RALYL: variants seen among roughly 807,000 people sequenced by gnomAD.
The protein encoded by RALYL is RNA-binding Raly-like protein.
Under a neutral mutation model 35.1 loss-of-function variants are expected in RALYL, and 29 were observed. The observed-to-expected ratio is 0.83, with a 90% CI of 0.61 to 1.13. RALYL has a LOEUF of 1.13. Ranked by LOEUF, RALYL falls within the 50% of genes most tolerant of loss-of-function variation. RALYL has a pLI of 0.00. For missense variants in RALYL, 359 were observed against 360.4 expected, an observed-to-expected ratio of 1.00 and a Z score of 0.03; for synonymous variants, 120 against 127.6, an observed-to-expected ratio of 0.94 and a Z score of 0.40.
intron 1 of RALYL, among the ~76,000 whole-genome samples, chr8:84,370,515 C>G (rs1205577185): frequency 2.6e-5 from 4 of 151,756 alleles, no homozygotes; most frequent in Admixed American, 6.6e-5. Context: ...AATCATGAGT[C>G]TGTTAAACGG....
At chr8:84,213,968 CAG>C (rs1361228365) in intron 1 of RALYL, among the ~76,000 whole-genome samples, 2 of 152,086 alleles carry the variant, frequency 1.3e-5, no homozygotes, top group Admixed American at 6.6e-5. Flanking sequence ...AAAATGTGAA[CAG>C]AGTTTAAGGA....
At chr8:84,714,445 A>G (rs1311732133) in intron 2 of RALYL, among the ~76,000 whole-genome samples, 1 of 151,724 alleles carries the variant, frequency 6.6e-6, no homozygotes, top group Non-Finnish European at 1.5e-5. Flanking sequence ...TGTTTCATTC[A>G]TTAAGTTGAC....
intron 1 of RALYL, among the ~76,000 whole-genome samples, chr8:84,478,210 TTA>T (rs1442043494): frequency 3.3e-5 from 5 of 152,098 alleles, no homozygotes; most frequent in Non-Finnish European, 5.9e-5. Flanking sequence ...TTTGTAATGT[TTA>T]TGTCTTAATG....
intron 1 of RALYL, among the ~76,000 whole-genome samples, chr8:84,492,548 G>A (rs2055453940): frequency 6.6e-6 from 1 of 151,920 alleles, no homozygotes; most frequent in South Asian, 2.1e-4. Context: ...TTTTATATGT[G>A]TGTAGTGCAC....
intron 1 of RALYL, among the ~76,000 whole-genome samples, chr8:84,275,493 ATT>A (rs1835190277): frequency 2.0e-5 from 3 of 151,262 alleles, no homozygotes; most frequent in African/African-American, 7.3e-5. Flanking sequence ...ATATATATAT[ATT>A]ATGAAATGGC....
chr8:84,425,028 G>A (rs1784253151), intron 1 of RALYL, among the ~76,000 whole-genome samples: 1 of 152,144 alleles, frequency 6.6e-6, no homozygotes, highest in African/African-American at 2.4e-5. Context: ...GCCCCCAGAG[G>A]TGGAGCCTAC....
In RALYL at chr8:84,626,313, G is replaced by T. The variant is rs572812132; in HGVS notation, c.256+96736G>T. Among the ~76,000 whole-genome samples the T allele has an allele frequency of 1.4e-4, 21 of 152,200 alleles. No homozygotes were observed. In the South Asian group the frequency reaches 3.5e-3, roughly 26 times the overall value. Reference sequence around the variant, plus strand: ...TGTGCGCCTGCATTGTGCGAATTCCGCCCAAGCTTTACTCTCTGCATGATT... The same window carrying T: ...TGTGCGCCTGCATTGTGCGAATTCCTCCCAAGCTTTACTCTCTGCATGATT... On this transcript the variant is annotated intron_variant, in intron 2 of 8. Transcript: ENST00000521268.
At chr8:84,680,008 C>G (rs558833049) in intron 2 of RALYL, among the ~76,000 whole-genome samples, 4 of 152,044 alleles carry the variant, frequency 2.6e-5, no homozygotes, top group Non-Finnish European at 5.9e-5. Flanking sequence ...CCACTCCCCC[C>G]ACCCCACGAC....
At chr8:84,547,035 A>G (rs970831879) in intron 2 of RALYL, among the ~76,000 whole-genome samples, 2 of 152,092 alleles carry the variant, frequency 1.3e-5, no homozygotes, top group Non-Finnish European at 2.9e-5. Context: ...TACATGTGCC[A>G]TGGTGGGTTG....
intron 1 of RALYL, among the ~76,000 whole-genome samples, chr8:84,444,158 A>G (rs1449566590): frequency 6.6e-6 from 1 of 152,060 alleles, no homozygotes; most frequent in Non-Finnish European, 1.5e-5. Context: ...GTGAGACTCC[A>G]TCTCTACAAA....
At chr8:84,210,696 G>A (rs1014449707) in intron 1 of RALYL, among the ~76,000 whole-genome samples, 1 of 152,116 alleles carries the variant, frequency 6.6e-6, no homozygotes, top group African/African-American at 2.4e-5. Context: ...AAAGCTTATT[G>A]TATAGTTTGC....
At chr8:84,876,104 G>C (rs1841088257) in intron 7 of RALYL, among the ~76,000 whole-genome samples, 1 of 152,042 alleles carries the variant, frequency 6.6e-6, no homozygotes, top group Admixed American at 6.6e-5. Context: ...TGCTCAAATA[G>C]ATGTGTGTGT....
chr8:84,493,379 G>C (rs935491024), intron 1 of RALYL, among the ~76,000 whole-genome samples: 1 of 152,104 alleles, frequency 6.6e-6, no homozygotes, highest in African/African-American at 2.4e-5. Context: ...ATAAACATAT[G>C]TGTGCGTGTA....
intron 2 of RALYL, among the ~76,000 whole-genome samples, chr8:84,697,151 T>A (rs988690786): frequency 4.6e-5 from 7 of 151,974 alleles, no homozygotes; most frequent in Admixed American, 2.6e-4. Flanking sequence ...AATTTTAAAT[T>A]GGAAATAATT....
rs774031699 is a variant in RALYL, at chr8:84,345,325, A to G, written c.-24+160901A>G. ...ATGCTCCCAGGGAGATGTTAGGTCA[A>G]TGGTATCTGCCAACTTTTCATTAGA... is the stretch of plus-strand genomic sequence containing the variant. On this transcript the variant is annotated intron_variant, in intron 1 of 8. Coordinates refer to ENST00000521268, the MANE Select transcript of RALYL (RefSeq NM_173848.7). Among the ~76,000 whole-genome samples the G allele has an allele frequency of 1.9e-4, 29 of 151,976 alleles. 1 individual carries two copies. Among genetic ancestry groups the G allele is most frequent in the Non-Finnish European group, 3.8e-4 (26 of 67,968 alleles).
At chr8:84,801,651 A>T (rs761632520) in intron 3 of RALYL, among the ~76,000 whole-genome samples, 14 of 152,218 alleles carry the variant, frequency 9.2e-5, no homozygotes, top group Non-Finnish European at 1.0e-4. Flanking sequence ...TGGTATAGAT[A>T]TATAATGCTA....
At chr8:84,844,117 T>C (rs906912469) in intron 4 of RALYL, among the ~76,000 whole-genome samples, 17 of 152,124 alleles carry the variant, frequency 1.1e-4, no homozygotes, top group African/African-American at 3.1e-4. Context: ...AATTGACAAA[T>C]GGGATCTAAT....
chr8:84,573,901 T>A (rs1292761323), intron 2 of RALYL, among the ~76,000 whole-genome samples: 1 of 151,968 alleles, frequency 6.6e-6, no homozygotes, highest in Admixed American at 6.6e-5. Context: ...GTTATTTTTA[T>A]GCTTTTCTTT....
At chr8:84,470,201 A>T (rs1186846909) in intron 1 of RALYL, among the ~76,000 whole-genome samples, 1 of 152,078 alleles carries the variant, frequency 6.6e-6, no homozygotes, top group East Asian at 1.9e-4. Flanking sequence ...TTTTTAAATT[A>T]CTTGATTAAA....
Sources: allele counts gnomAD v4.1 joint callset (sites outside exome capture counted in the v4.1 genomes callset), GRCh38; gene constraint gnomAD v4.1.1; transcripts MANE v1.5; gene names NCBI Gene and HGNC (gene_info 2026-07-23, HGNC 2026-07-21).